Variants in ARHGAP32 observed in about 807,000 individuals in gnomAD.
The protein encoded by ARHGAP32 is Rho GTPase activating protein 32.
In ARHGAP32, 51 loss-of-function variants were observed where a neutral mutation model predicts 186.5. The ratio of observed to expected loss-of-function variants is 0.27; its 90% confidence interval spans 0.22 to 0.35. The LOEUF is 0.35. Ranked by LOEUF, ARHGAP32 falls within the 10% of genes least tolerant of loss-of-function variation. The pLI is 1.00. For synonymous variants in ARHGAP32, 950 were observed against 964.3 expected, an observed-to-expected ratio of 0.99 and a Z score of 0.27; for missense variants, 2,186 against 2,623.5, an observed-to-expected ratio of 0.83 and a Z score of 3.64.
At chr11:129,215,280 T>C (rs1425600569) in intron 1 of ARHGAP32, among the ~76,000 whole-genome samples, 2 of 152,182 alleles carry the variant, frequency 1.3e-5, no homozygotes, top group East Asian at 3.9e-4. Flanking sequence ...TAACAGTTCC[T>C]TTCCTCATAA....
intron 11 of ARHGAP32, among the ~76,000 whole-genome samples, chr11:129,012,408 T>A (rs889423703): frequency 2.0e-5 from 3 of 152,220 alleles, no homozygotes; most frequent in Non-Finnish European, 2.9e-5. Flanking sequence ...CTATCCACTT[T>A]AAAAGGCTTA....
At chr11:129,230,753 A>G (rs1944847470) in intron 1 of ARHGAP32, among the ~76,000 whole-genome samples, 1 of 152,208 alleles carries the variant, frequency 6.6e-6, no homozygotes, top group Admixed American at 6.5e-5. Flanking sequence ...ATCAAACATC[A>G]TACATCAAAT....
chr11:129,224,729 G>A (rs1348923983), intron 1 of ARHGAP32, among the ~76,000 whole-genome samples: 1 of 133,770 alleles, frequency 7.5e-6, no homozygotes, highest in Non-Finnish European at 1.5e-5. Flanking sequence ...ACGCTACTTG[G>A]ACTGTCTTTA....
chr11:129,267,421 T>C (rs1169386299), intron 1 of ARHGAP32, among the ~76,000 whole-genome samples: 1 of 151,250 alleles, frequency 6.6e-6, no homozygotes, highest in Non-Finnish European at 1.5e-5. Flanking sequence ...CTGACTCTGA[T>C]CTAGGTTATT....
upstream of ARHGAP32, among the ~76,000 whole-genome samples, chr11:129,193,950 G>C (rs1944356366): frequency 8.0e-5 from 12 of 149,800 alleles, no homozygotes; most frequent in South Asian, 2.5e-3. Context: ...AAGATAAATA[G>C]GCAAAGAGCA....
At chr11:129,076,721 A>G (rs865895164) in intron 6 of ARHGAP32, among the ~76,000 whole-genome samples, 2 of 152,312 alleles carry the variant, frequency 1.3e-5, no homozygotes, top group South Asian at 2.1e-4. Context: ...ATGCATCAGA[A>G]AAGAAGAGAG....
chr11:129,139,754 C>T (rs1313170192), intron 2 of ARHGAP32, among the ~76,000 whole-genome samples: 1 of 152,202 alleles, frequency 6.6e-6, no homozygotes, highest in African/African-American at 2.4e-5. Flanking sequence ...CCATGTGGAA[C>T]TGTAAGTCCA....
chr11:129,188,691 A>G (rs1425835920), intron 1 of ARHGAP32, among the ~76,000 whole-genome samples: 1 of 147,368 alleles, frequency 6.8e-6, no homozygotes, highest in Non-Finnish European at 1.5e-5. Flanking sequence ...CAATAAAGGC[A>G]TTGTCCCCCC....
chr11:129,254,172 G>A (rs1005301652), intron 1 of ARHGAP32, among the ~76,000 whole-genome samples: 2 of 151,822 alleles, frequency 1.3e-5, no homozygotes, highest in Admixed American at 1.3e-4. Flanking sequence ...TGAAAGGGGG[G>A]GAAATATTTA....
chr11:129,193,728 A>ATATTT (rs1944349842), upstream of ARHGAP32, among the ~76,000 whole-genome samples: 1 of 99,770 alleles, frequency 1.0e-5, no homozygotes, highest in African/African-American at 3.9e-5. Context: ...TATATATTAT[A>ATATTT]TATAATATAT....
intron 6 of ARHGAP32, among the ~76,000 whole-genome samples, chr11:129,087,059 A>T (rs1445360003): frequency 6.6e-6 from 1 of 152,236 alleles, no homozygotes; most frequent in African/African-American, 2.4e-5. Context: ...TACATAACAT[A>T]TTAGAATGGC....
chr11:129,131,510 G>A (rs1216736792), intron 2 of ARHGAP32, among the ~76,000 whole-genome samples: 1 of 151,964 alleles, frequency 6.6e-6, no homozygotes, highest in Non-Finnish European at 1.5e-5. Flanking sequence ...AAGAAAACAG[G>A]ACAAGCAGCC....
At chr11:129,170,729 G>A (rs932127479) in intron 1 of ARHGAP32, among the ~76,000 whole-genome samples, 6 of 152,182 alleles carry the variant, frequency 3.9e-5, no homozygotes, top group Non-Finnish European at 8.8e-5. Flanking sequence ...GTTCCAGATC[G>A]TTGAGGAATT....
chr11:128,981,980 A>T, intron 15 of ARHGAP32, 44 bp from the exon 16 acceptor site: 1 of 1,260,684 alleles, frequency 7.9e-7, no homozygotes, highest in South Asian at 1.3e-5. Context: ...AACATGATGC[A>T]GCAGTATAGA....
chr11:129,104,936 T>C (rs1401235002), intron 5 of ARHGAP32, among the ~76,000 whole-genome samples: 1 of 152,124 alleles, frequency 6.6e-6, no homozygotes. Flanking sequence ...GGCTCAGCAG[T>C]AGTCTTAATG....
chr11:129,075,689 C>T (rs1206299300), intron 6 of ARHGAP32, among the ~76,000 whole-genome samples: 2 of 152,148 alleles, frequency 1.3e-5, no homozygotes, highest in South Asian at 2.1e-4. Context: ...TTAACAACAA[C>T]GGATTACACA....
At chr11:128,996,979 A>G (rs1946218982) in intron 12 of ARHGAP32, among the ~76,000 whole-genome samples, 2 of 152,056 alleles carry the variant, frequency 1.3e-5, no homozygotes, top group Non-Finnish European at 1.5e-5. Flanking sequence ...AGGTCTTGCC[A>G]TGTTGTGTAG....
In ARHGAP32 at chr11:129,119,677, G is replaced by A. The variant is rs1278481403; in HGVS notation, c.444+3769C>T. The stretch of plus-strand genomic sequence containing the variant: ...GGAAATAAAACAAAGAGAGGGAGAT[G>A]AGGAATGCTGGTGACTATAGTTGCA... On this transcript the variant is annotated intron_variant, in intron 5 of 22. Transcript: ENST00000682385. Among the ~76,000 whole-genome samples, 3 of 152,184 alleles carry A rather than the reference G, an allele frequency of 2.0e-5. No individual in the cohort carries two copies. The East Asian group carries it at 5.8e-4, about 29-fold the overall frequency.
At chr11:129,156,925 C>T (rs1393115945) in intron 2 of ARHGAP32, among the ~76,000 whole-genome samples, 8 of 152,140 alleles carry the variant, frequency 5.3e-5, no homozygotes, top group Admixed American at 5.2e-4. Flanking sequence ...GCTGGTGATA[C>T]CCAGGCAAAC....
Sources: gnomAD v4.1 joint callset for allele counts (sites outside exome capture counted in the v4.1 genomes callset) on GRCh38, gnomAD v4.1.1 for gene constraint, MANE v1.5 for transcripts, NCBI Gene and HGNC (gene_info 2026-07-23, HGNC 2026-07-21) for gene names.